PPP1R12B: variants seen among roughly 807,000 people sequenced by gnomAD.
PPP1R12B encodes protein phosphatase 1 regulatory subunit 12B.
A neutral mutation model predicts 126.1 loss-of-function variants in PPP1R12B; 76 were observed. That is an observed-to-expected ratio of 0.60 (90% CI 0.50 to 0.73). PPP1R12B has a LOEUF of 0.73. Ranked by LOEUF, PPP1R12B falls within the 30% of genes least tolerant of loss-of-function variation. The pLI is 0.00. For synonymous variants in PPP1R12B, 356 were observed against 434.7 expected (o/e 0.82, Z 2.25); for missense variants, 1,052 against 1,205.1 (o/e 0.87, Z 1.88).
intron 1 of PPP1R12B, among the ~76,000 whole-genome samples, chr1:202,396,355 T>G (rs954315968): frequency 2.0e-5 from 3 of 152,172 alleles, no homozygotes; most frequent in African/African-American, 7.2e-5. Flanking sequence ...ATGATGATAA[T>G]AATAGTAATA....
At chr1:202,502,635 A>G (rs1447888906) in intron 18 of PPP1R12B, 10 of 269,994 alleles carry the variant, frequency 3.7e-5, no homozygotes, top group Non-Finnish European at 5.1e-5. Flanking sequence ...TATATAAAGT[A>G]AATACTATGT....
chr1:202,471,996 T>C (rs951777993), intron 13 of PPP1R12B: 1 of 1,595,998 alleles, frequency 6.3e-7, no homozygotes, highest in African/African-American at 1.3e-5. Context: ...GGTGATTTTA[T>C]AGCATCCTGG....
intron 18 of PPP1R12B, among the ~76,000 whole-genome samples, chr1:202,546,849 G>A (rs1182613903): frequency 6.6e-6 from 1 of 152,168 alleles, no homozygotes; most frequent in African/African-American, 2.4e-5. Context: ...GTAACATAAG[G>A]AAGGGCTGAG....
In PPP1R12B at chr1:202,354,829, G is replaced by GTT. The variant is rs749699370; in HGVS notation, c.291+5688_291+5689dup. 4.4e-3 allele frequency among the ~76,000 whole-genome samples: 563 copies of GTT among 128,760 alleles called. 7 individuals are homozygous for GTT. Among genetic ancestry groups the GTT allele is most frequent in the South Asian group, 8.5e-3 (32 of 3,784 alleles). 84.5% of individuals were successfully genotyped at this position (128,760 alleles called of 152,430 possible). A position where few individuals can be genotyped will look rare whatever the true frequency, so the allele number is the denominator to read the frequency against. On this transcript the variant is annotated intron_variant, in intron 1 of 23. Transcript: ENST00000608999. ...CGCCTGGCTAATTGTTTTTTTTGTT[G>GTT]TTGTTTTTTTTTTTGAGACGGAGTC...
rs368792774 is a variant in PPP1R12B at position 202,440,351 on chromosome 1, A to G, written c.1459-355A>G. Reference sequence around the variant, plus strand: ...TGTACTGGGGACTATTGGGGACTACATAAATCTTATTTCATCAAGAATATT... The same window carrying G: ...TGTACTGGGGACTATTGGGGACTACGTAAATCTTATTTCATCAAGAATATT... On this transcript the variant is annotated intron_variant, in intron 10 of 23. Coordinates refer to ENST00000608999, the MANE Select transcript of PPP1R12B (RefSeq NM_002481.4). 3.3e-4 allele frequency among the ~76,000 whole-genome samples: 50 copies of G among 152,344 alleles called. No homozygotes were observed. In the South Asian group the frequency reaches 5.4e-3, roughly 16 times the overall value.
At chr1:202,406,771 A>G (rs1006427039) in intron 1 of PPP1R12B, among the ~76,000 whole-genome samples, 6 of 152,182 alleles carry the variant, frequency 3.9e-5, no homozygotes, top group African/African-American at 1.4e-4. Context: ...GTAAAGGTGT[A>G]TCATTCCATT....
chr1:202,402,494 T>C lies in PPP1R12B; in HGVS notation c.292-14293T>C, dbSNP rs151323953. Reference sequence around the variant, plus strand: ...ATGCTTTCAGGAAAAAACCAAGTTGTTCAGATTTCTCAAGTCTTAATCTCT... The same window carrying C: ...ATGCTTTCAGGAAAAAACCAAGTTGCTCAGATTTCTCAAGTCTTAATCTCT... On this transcript the variant is annotated intron_variant, in intron 1 of 23. Coordinates refer to ENST00000608999, the MANE Select transcript of PPP1R12B (RefSeq NM_002481.4). 6.6e-5 allele frequency among the ~76,000 whole-genome samples: 10 copies of C among 152,356 alleles called. No homozygotes were observed. In the East Asian group the frequency reaches 9.6e-4, roughly 15 times the overall value.
chr1:202,547,986 G>C (rs1685826083), intron 18 of PPP1R12B, among the ~76,000 whole-genome samples: 1 of 152,180 alleles, frequency 6.6e-6, no homozygotes, highest in African/African-American at 2.4e-5. Context: ...TGTCAGTGCT[G>C]TACCAAGCAC....
At position 202,590,570 on chromosome 1, in the gene PPP1R12B, A is replaced by C. The variant is rs1690069057; in HGVS notation, c.*10010A>C. 6.6e-6 allele frequency: 1 copy of C among 151,150 alleles called. No homozygotes were observed. The highest frequency in any genetic ancestry group is 1.5e-5 in the Non-Finnish European group (1 of 67,900). 9.4% of individuals were successfully genotyped at this position (151,150 alleles called of 1,614,324 possible). Reference sequence around the variant, plus strand: ...ACCCCCACCTCAGCGCAGCAAAAACAACCAGAGACACCCCCCACCCCCAGG... The same window carrying C: ...ACCCCCACCTCAGCGCAGCAAAAACCACCAGAGACACCCCCCACCCCCAGG... On this transcript the variant is annotated 3_prime_UTR_variant, in exon 24 of 24. Transcript: ENST00000608999.
chr1:202,378,803 A>G (rs1222931786), intron 1 of PPP1R12B, among the ~76,000 whole-genome samples: 1 of 152,108 alleles, frequency 6.6e-6, no homozygotes, highest in Non-Finnish European at 1.5e-5. Context: ...ATCCTTTTGG[A>G]GCATTTTATA....
intron 18 of PPP1R12B, among the ~76,000 whole-genome samples, chr1:202,499,736 A>C (rs1164530839): frequency 2.0e-5 from 3 of 152,242 alleles, no homozygotes; most frequent in Non-Finnish European, 4.4e-5. Context: ...AACGTGGTTT[A>C]AGACCTTTCT....
At chr1:202,355,126 A>C (rs189257896) in intron 1 of PPP1R12B, among the ~76,000 whole-genome samples, 165 of 151,642 alleles carry the variant, frequency 1.1e-3, no homozygotes, top group Middle Eastern at 3.4e-3. Flanking sequence ...GCTGGTCTTG[A>C]ACTCTTGACC....
At chr1:202,539,595 C>G (rs1280323984) in intron 18 of PPP1R12B, among the ~76,000 whole-genome samples, 1 of 152,112 alleles carries the variant, frequency 6.6e-6, no homozygotes, top group South Asian at 2.1e-4. Context: ...CTGATTTTAT[C>G]ATAGTAGTTC....
In PPP1R12B at chr1:202,425,647, T is replaced by C. The variant is rs1669403325; in HGVS notation, c.623T>C (p.Ile208Thr). ...CGCCAGTGGCTCAACAGTGGGAAAA[T>C]AGAGGATGTGAGGCAGGCTCGCTCA... Reference protein sequence around the residue: ...DARQWLNSGKIEDVRQARSGA... With the variant: ...DARQWLNSGKTEDVRQARSGA... Residue 208 changes from isoleucine (I) to threonine (T), a missense_variant, in exon 4 of 24, where the codon ATA (isoleucine) becomes ACA (threonine). Transcript: ENST00000608999. 1 of 1,613,770 alleles carries C rather than the reference T, an allele frequency of 6.2e-7. No homozygotes were observed.
rs552440120 is a variant in PPP1R12B, at chr1:202,582,226, C to T, written c.*1666C>T. ...TTTAAGTCATTCCTCATATGGCATG[C>T]TTTTCTTACCTGTCACATCTTGGCC... On this transcript the variant is annotated 3_prime_UTR_variant, in exon 24 of 24. Transcript: ENST00000608999. 1 of 152,374 alleles carries T rather than the reference C, an allele frequency of 6.6e-6. No individual in the cohort carries two copies. Among genetic ancestry groups the T allele is most frequent in the Admixed American group, 6.5e-5 (1 of 15,296 alleles). 9.4% of individuals were successfully genotyped at this position (152,374 alleles called of 1,614,324 possible). A position where few individuals can be genotyped will look rare whatever the true frequency, so the allele number is the denominator to read the frequency against.
intron 18 of PPP1R12B, among the ~76,000 whole-genome samples, chr1:202,546,537 G>A (rs1346957688): frequency 2.0e-5 from 3 of 152,122 alleles, no homozygotes; most frequent in South Asian, 2.1e-4. Flanking sequence ...TCAGGAGGTC[G>A]AGGTTTCAGT....
At chr1:202,353,005 C>T (rs905310266) in intron 1 of PPP1R12B, among the ~76,000 whole-genome samples, 3 of 152,168 alleles carry the variant, frequency 2.0e-5, no homozygotes, top group Non-Finnish European at 4.4e-5. Context: ...CTTTGTCATT[C>T]TAGAGTTGCC....
At chr1:202,483,650 G>A (rs762988747) in intron 13 of PPP1R12B, among the ~76,000 whole-genome samples, 1 of 152,122 alleles carries the variant, frequency 6.6e-6, no homozygotes, top group Non-Finnish European at 1.5e-5. Flanking sequence ...ATGGAGAATA[G>A]AGAATAAGAG....
chr1:202,384,519 A>G (rs1662824235), intron 1 of PPP1R12B, among the ~76,000 whole-genome samples: 1 of 152,202 alleles, frequency 6.6e-6, no homozygotes, highest in Admixed American at 6.5e-5. Context: ...ACAGAAATAG[A>G]AAGTAAATTA....
Sources: gnomAD v4.1 joint callset for allele counts (sites outside exome capture counted in the v4.1 genomes callset) on GRCh38, gnomAD v4.1.1 for gene constraint, MANE v1.5 for transcripts, NCBI Gene and HGNC (gene_info 2026-07-23, HGNC 2026-07-21) for gene names.